CAMK1D: variants seen among roughly 807,000 people sequenced by gnomAD.
The protein encoded by CAMK1D is calcium/calmodulin-dependent protein kinase type 1D.
A neutral mutation model predicts 47.7 loss-of-function variants in CAMK1D; 9 were observed. The observed-to-expected ratio is 0.19, with a 90% confidence interval of 0.11 to 0.33. The LOEUF is 0.33. Ranked by LOEUF, CAMK1D falls within the 10% of genes least tolerant of loss-of-function variation. The pLI is 1.00. For missense variants in CAMK1D, 291 were observed against 488.7 expected (o/e 0.60, Z 3.81); for synonymous variants, 184 against 184.9 (o/e 0.99, Z 0.04).
At chr10:12,761,473 A>G (rs1010526651) in intron 4 of CAMK1D, among the ~76,000 whole-genome samples, 1 of 152,184 alleles carries the variant, frequency 6.6e-6, no homozygotes, top group African/African-American at 2.4e-5. Flanking sequence ...TTGCAGCACA[A>G]CACACTGTAT....
chr10:12,827,271 T>C (rs1467271616), intron 10 of CAMK1D, among the ~76,000 whole-genome samples: 2 of 66,888 alleles, frequency 3.0e-5, no homozygotes, highest in African/African-American at 4.6e-5. Context: ...TCTTTCCTTC[T>C]CTTTCTTTTC....
chr10:12,651,842 G>A (rs1000440250), intron 2 of CAMK1D, among the ~76,000 whole-genome samples: 5 of 151,626 alleles, frequency 3.3e-5, no homozygotes, highest in Admixed American at 3.3e-4. Flanking sequence ...GCAGTGGCGC[G>A]ATCTCGGCTC....
intron 1 of CAMK1D, among the ~76,000 whole-genome samples, chr10:12,523,186 G>T (rs1458514008): frequency 6.6e-6 from 1 of 151,448 alleles, no homozygotes. Context: ...CATCCCAGAC[G>T]GGGCGGTGGG....
chr10:12,435,327 T>C (rs995693716), intron 1 of CAMK1D, among the ~76,000 whole-genome samples: 1 of 151,866 alleles, frequency 6.6e-6, no homozygotes, highest in African/African-American at 2.4e-5. Context: ...CGCCCTAGGT[T>C]TCCATATTCC....
chr10:12,405,087 T>C (rs990621761), intron 1 of CAMK1D, among the ~76,000 whole-genome samples: 8 of 152,160 alleles, frequency 5.3e-5, no homozygotes, highest in Non-Finnish European at 1.5e-5. Flanking sequence ...GTAAGACTGG[T>C]CACTGCATGT....
chr10:12,458,968 T>C (rs1833343736), intron 1 of CAMK1D, among the ~76,000 whole-genome samples: 1 of 150,010 alleles, frequency 6.7e-6, no homozygotes, highest in South Asian at 2.2e-4. Flanking sequence ...AACCTCTGCC[T>C]CCCAGGTTCA....
intron 1 of CAMK1D, among the ~76,000 whole-genome samples, chr10:12,400,881 C>A (rs1839152918): frequency 6.7e-6 from 1 of 150,130 alleles, no homozygotes; most frequent in Non-Finnish European, 1.5e-5. Flanking sequence ...CTTTGGGAGG[C>A]CGAGGTGGGC....
Position 12,674,735 on chromosome 10 carries a change from G to C in CAMK1D, c.299+7925G>C, listed in dbSNP as rs115795822. Among the ~76,000 whole-genome samples the C allele has an allele frequency of 9.3e-3, 1,403 of 151,056 alleles. 23 individuals are homozygous for C. Among genetic ancestry groups the C allele is most frequent in the African/African-American group, 0.032 (1,317 of 41,190 alleles). ...ATTTATTTCTCATCTGACTTGACTTGTAGAATATTAATCCAGGGTCAGGCG... is the reference window on the plus strand; with the variant it reads ...ATTTATTTCTCATCTGACTTGACTTCTAGAATATTAATCCAGGGTCAGGCG... On this transcript the variant is annotated intron_variant, in intron 3 of 10. Transcript: ENST00000619168.
At chr10:12,596,879 G>T (rs561328550) in intron 2 of CAMK1D, among the ~76,000 whole-genome samples, 11 of 151,766 alleles carry the variant, frequency 7.2e-5, no homozygotes, top group Non-Finnish European at 1.2e-4. Context: ...TTTTCTTGTG[G>T]TTTTTTTAGG....
At chr10:12,756,396 A>G (rs1047389851) in intron 3 of CAMK1D, among the ~76,000 whole-genome samples, 4 of 152,220 alleles carry the variant, frequency 2.6e-5, no homozygotes, top group African/African-American at 9.6e-5. Flanking sequence ...ATTAGACTGC[A>G]TTGCAGTATA....
intron 1 of CAMK1D, among the ~76,000 whole-genome samples, chr10:12,541,512 T>C (rs569981887): frequency 5.3e-4 from 80 of 152,090 alleles, no homozygotes; most frequent in East Asian, 1.9e-3. Flanking sequence ...TACAGGCGTG[T>C]GCCACCACGC....
At chr10:12,418,168 C>T (rs1333130804) in intron 1 of CAMK1D, among the ~76,000 whole-genome samples, 1 of 152,168 alleles carries the variant, frequency 6.6e-6, no homozygotes, top group Non-Finnish European at 1.5e-5. Context: ...ATATGGATCC[C>T]CAGGGTGTGG....
chr10:12,626,749 A>T (rs1196713830), intron 2 of CAMK1D, among the ~76,000 whole-genome samples: 1 of 152,186 alleles, frequency 6.6e-6, no homozygotes, highest in Admixed American at 6.5e-5. Context: ...TGCTGGGATT[A>T]TAAGTGTGAG....
intron 1 of CAMK1D, among the ~76,000 whole-genome samples, chr10:12,537,217 G>A (rs998929796): frequency 2.6e-5 from 4 of 152,088 alleles, no homozygotes; most frequent in Admixed American, 6.6e-5. Context: ...GATTACACAT[G>A]TGTACCACTG....
At chr10:12,522,484 G>A (rs1266972954) in intron 1 of CAMK1D, among the ~76,000 whole-genome samples, 6 of 150,990 alleles carry the variant, frequency 4.0e-5, no homozygotes, top group Non-Finnish European at 8.9e-5. Flanking sequence ...AGTGGACACA[G>A]CACATGTTTC....
At chr10:12,579,241 C>G (rs7071111) in intron 2 of CAMK1D, among the ~76,000 whole-genome samples, 51,325 of 152,070 alleles carry the variant, frequency 0.34, 8,737 homozygotes, top group Middle Eastern at 0.43. Context: ...TCTTCTTGTT[C>G]CACTTCCTGG....
At position 12,680,884 on chromosome 10, in the gene CAMK1D, C is replaced by CAA. The variant is rs112938242; in HGVS notation, c.299+14090_299+14091dup. 2.5e-3 allele frequency among the ~76,000 whole-genome samples: 349 copies of CAA among 140,394 alleles called. 1 individual carries two copies. Among genetic ancestry groups the CAA allele is most frequent in the African/African-American group, 4.8e-3 (176 of 37,028 alleles). 92.1% of individuals were successfully genotyped at this position (140,394 alleles called of 152,430 possible). A position where few individuals can be genotyped will look rare whatever the true frequency, so the allele number is the denominator to read the frequency against. ...TGGGTGACAGAGTGAGACCATGTCT[C>CAA]AAAAAAAAAAAAAAAAATCTTTACT... On this transcript the variant is annotated intron_variant, in intron 3 of 10. Transcript: ENST00000619168.
At chr10:12,404,202 C>A (rs1420258016) in intron 1 of CAMK1D, among the ~76,000 whole-genome samples, 1 of 152,070 alleles carries the variant, frequency 6.6e-6, no homozygotes, top group Non-Finnish European at 1.5e-5. Context: ...TCCGCCACCG[C>A]GCCCAGCTAA....
chr10:12,560,916 C>CT (rs754547250), intron 2 of CAMK1D, among the ~76,000 whole-genome samples: 3,380 of 135,328 alleles, frequency 0.025, 56 homozygotes, highest in Non-Finnish European at 0.038. Flanking sequence ...TTCTTTCTTT[C>CT]TTTCTTTTTT....
Sources: gnomAD v4.1 joint callset for allele counts (sites outside exome capture counted in the v4.1 genomes callset) on GRCh38, gnomAD v4.1.1 for gene constraint, MANE v1.5 for transcripts, NCBI Gene and HGNC (gene_info 2026-07-23, HGNC 2026-07-21) for gene names.